Variants in ZFYVE9 observed in about 807,000 individuals in gnomAD.
ZFYVE9 encodes the protein zinc finger FYVE domain-containing protein 9.
Under a neutral mutation model 126.7 loss-of-function variants are expected in ZFYVE9, and 43 were observed. That is an observed-to-expected ratio of 0.34 (90% CI 0.27 to 0.44). The LOEUF (loss-of-function observed/expected upper bound fraction) is 0.44, where lower values mean the gene tolerates loss of function less well. Ranked by LOEUF, ZFYVE9 falls within the 20% of genes least tolerant of loss-of-function variation. ZFYVE9 has a pLI of 1.00. For synonymous variants in ZFYVE9, 521 were observed against 597.4 expected (o/e 0.87, Z 1.87); for missense variants, 1,476 against 1,697.0 (o/e 0.87, Z 2.29).
At chr1:52,270,832 AT>A (rs1392927616) in intron 7 of ZFYVE9, among the ~76,000 whole-genome samples, 1 of 150,472 alleles carries the variant, frequency 6.6e-6, no homozygotes, top group Non-Finnish European at 1.5e-5. Flanking sequence ...CAGATTAAAC[AT>A]TTTTTGGCAG....
chr1:52,334,974 AGGAGATGGCCTTTC>A, intron 15 of ZFYVE9: 1 of 427,472 alleles, frequency 2.3e-6, no homozygotes, highest in South Asian at 3.2e-5. Context: ...CATTAAAACT[AGGAGATGGCCTTTC>A]AGAGCTCTGG....
At chr1:52,169,866 T>C (rs1644548029) in intron 1 of ZFYVE9, among the ~76,000 whole-genome samples, 1 of 152,224 alleles carries the variant, frequency 6.6e-6, no homozygotes, top group South Asian at 2.1e-4. Flanking sequence ...ATTTTCAACT[T>C]GGTCTAGGAC....
rs1342276394 is a variant in ZFYVE9, at chr1:52,274,598, A to G, written c.2746+14A>G. 3 of 1,592,688 alleles carry G rather than the reference A, an allele frequency of 1.9e-6. No individual in the cohort carries two copies. Among genetic ancestry groups the G allele is most frequent in the East Asian group, 4.5e-5 (2 of 44,436 alleles). ...GTGTAAAAGGAGGTAAGTGGACTAC[A>G]TATTTAAACAGTGATAGTTCTATCT... On this transcript the variant is annotated intron_variant, in intron 8 of 18. Transcript: ENST00000287727.
intron 13 of ZFYVE9, among the ~76,000 whole-genome samples, chr1:52,321,745 T>C (rs778855808): frequency 1.4e-4 from 21 of 152,210 alleles, no homozygotes; most frequent in Non-Finnish European, 2.9e-4. Context: ...TCTCATTGTG[T>C]TTATGTCAAG....
At chr1:52,181,311 C>CT (rs1644700067) in intron 1 of ZFYVE9, among the ~76,000 whole-genome samples, 1 of 152,256 alleles carries the variant, frequency 6.6e-6, no homozygotes, top group Admixed American at 6.5e-5. Context: ...TCTCCAGCTC[C>CT]TAACTGCGAG....
intron 2 of ZFYVE9, among the ~76,000 whole-genome samples, chr1:52,219,803 G>GTGTGTGTGTGTGT (rs1557463701): frequency 9.5e-5 from 13 of 137,198 alleles, no homozygotes; most frequent in South Asian, 2.4e-4. Flanking sequence ...GTGTGTGTGT[G>GTGTGTGTGTGTGT]GCAGAGTCTT....
chr1:52,215,517 T>A (rs1396736922), intron 1 of ZFYVE9, among the ~76,000 whole-genome samples: 1 of 152,204 alleles, frequency 6.6e-6, no homozygotes, highest in African/African-American at 2.4e-5. Flanking sequence ...GCTGCCTCAG[T>A]TTATCTTTAA....
At chr1:52,155,978 C>T (rs1644399309) in intron 1 of ZFYVE9, among the ~76,000 whole-genome samples, 2 of 152,114 alleles carry the variant, frequency 1.3e-5, no homozygotes, top group African/African-American at 2.4e-5. Context: ...AACACATGTA[C>T]CCCACCAAGT....
intron 1 of ZFYVE9, among the ~76,000 whole-genome samples, chr1:52,202,254 C>T: frequency 6.6e-6 from 1 of 151,822 alleles, no homozygotes; most frequent in Non-Finnish European, 1.5e-5. Context: ...CTTTTCTTTA[C>T]TCCTCCGTAG....
rs1644269291 is a variant in ZFYVE9, at chr1:52,142,615, C to T, written c.-143+212C>T. Among the ~76,000 whole-genome samples, 1 of 152,154 alleles carries T rather than the reference C, an allele frequency of 6.6e-6. No individual in the cohort carries two copies. The highest frequency in any genetic ancestry group is 2.4e-5 in the African/African-American group (1 of 41,450). ...TTAGGCCCCGCGCCGTTGGGAAGCC[C>T]TCGCTCCGGCCTCGGTTCCGGCGCG... On this transcript the variant is annotated intron_variant, in intron 1 of 18. Transcript: ENST00000287727. This position sits in a 1 kb window ranked among gnomAD's most constrained non-coding sequence, Gnocchi z 4.5.
intron 4 of ZFYVE9, among the ~76,000 whole-genome samples, chr1:52,241,800 A>G (rs1371970636): frequency 6.6e-6 from 1 of 152,180 alleles, no homozygotes; most frequent in Non-Finnish European, 1.5e-5. Context: ...TACTAATTGG[A>G]TTATGCTGAG....
intron 1 of ZFYVE9, among the ~76,000 whole-genome samples, chr1:52,170,409 A>T (rs765234167): frequency 5.3e-5 from 8 of 152,012 alleles, no homozygotes; most frequent in Non-Finnish European, 1.0e-4. Context: ...AAAGAAACTG[A>T]CATTTGTTTC....
At chr1:52,226,907 G>A (rs1645175524) in intron 2 of ZFYVE9, among the ~76,000 whole-genome samples, 1 of 152,214 alleles carries the variant, frequency 6.6e-6, no homozygotes, top group South Asian at 2.1e-4. Flanking sequence ...TTATCTCATT[G>A]AGCAGAAGGG....
At chr1:52,162,258 T>A (rs1380232381) in intron 1 of ZFYVE9, 4 of 311,904 alleles carry the variant, frequency 1.3e-5, no homozygotes, top group Non-Finnish European at 2.6e-5. Context: ...GGTGATCATC[T>A]TCTGTACCGG....
intron 4 of ZFYVE9, among the ~76,000 whole-genome samples, chr1:52,256,532 C>A (rs1328277633): frequency 1.3e-5 from 2 of 152,160 alleles, no homozygotes; most frequent in African/African-American, 4.8e-5. Context: ...CATGTGCCAC[C>A]ACGCTCAGCA....
At chr1:52,171,635 A>G (rs539450825) in intron 1 of ZFYVE9, among the ~76,000 whole-genome samples, 19 of 152,070 alleles carry the variant, frequency 1.2e-4, no homozygotes, top group South Asian at 6.2e-4. Flanking sequence ...AAGTGTTCCT[A>G]TTTCTCCACA....
At chr1:52,284,031 G>T (rs750646118) in intron 10 of ZFYVE9, among the ~76,000 whole-genome samples, 2 of 152,150 alleles carry the variant, frequency 1.3e-5, no homozygotes, top group African/African-American at 4.8e-5. Flanking sequence ...CTGGATATAG[G>T]GGGTTAGAGG....
In ZFYVE9 at chr1:52,206,628, G is replaced by A. The variant is rs191224427; in HGVS notation, c.-142-9741G>A. ...TGGCATGATCTCGGCTCGGCTCACT[G>A]CAACCTCCACCTCCCAGGTTCAAGC... is the stretch of plus-strand genomic sequence containing the variant. On this transcript the variant is annotated intron_variant, in intron 1 of 18. Transcript: ENST00000287727. 1.2e-4 allele frequency among the ~76,000 whole-genome samples: 18 copies of A among 152,164 alleles called. No individual in the cohort carries two copies. The East Asian group carries it at 3.3e-3, about 28-fold the overall frequency.
Position 52,303,928 on chromosome 1 carries a change from A to G in ZFYVE9, c.3438+3A>G. 4 of 1,582,796 alleles carry G rather than the reference A, an allele frequency of 2.5e-6. No individual in the cohort carries two copies. The highest frequency in any genetic ancestry group is 2.3e-5 in the East Asian group (1 of 43,322). On this transcript the variant is annotated splice_donor_region_variant and intron_variant, in intron 13 of 18. Transcript: ENST00000287727. Reference sequence around the variant, plus strand: ...TTCCCAGCAACAGATACAATGAGGTAAGATTTACCATGAAGGCGTATTTTT... The same window carrying G: ...TTCCCAGCAACAGATACAATGAGGTGAGATTTACCATGAAGGCGTATTTTT...
Sources: gnomAD v4.1 joint callset for allele counts (sites outside exome capture counted in the v4.1 genomes callset) on GRCh38, gnomAD v4.1.1 for gene constraint, Gnocchi (gnomAD v3.1) non-coding constraint, MANE v1.5 for transcripts, NCBI Gene and HGNC (gene_info 2026-07-23, HGNC 2026-07-21) for gene names.